Variants in SSH2 observed in about 807,000 individuals in gnomAD.
The protein encoded by SSH2 is protein phosphatase Slingshot homolog 2.
SSH2 carries 37 observed loss-of-function variants against 135.2 expected under a neutral mutation model. The ratio of observed to expected loss-of-function variants is 0.27; its 90% confidence interval spans 0.21 to 0.36. The LOEUF (loss-of-function observed/expected upper bound fraction) is 0.36, where lower values mean the gene tolerates loss of function less well. Ranked by LOEUF, SSH2 falls within the 10% of genes least tolerant of loss-of-function variation. SSH2 has a pLI of 1.00. For missense variants in SSH2, 1,408 were observed against 1,765.3 expected, an observed-to-expected ratio of 0.80 and a Z score of 3.63; for synonymous variants, 628 against 646.2, an observed-to-expected ratio of 0.97 and a Z score of 0.43.
At chr17:29,710,504 A>G (rs901404936) in intron 3 of SSH2, among the ~76,000 whole-genome samples, 2 of 152,174 alleles carry the variant, frequency 1.3e-5, no homozygotes, top group Admixed American at 6.5e-5. Flanking sequence ...AAACTTTCAA[A>G]TATATTCCAC....
At chr17:29,883,764 T>C (rs1599139323) in intron 1 of SSH2, among the ~76,000 whole-genome samples, 1 of 152,142 alleles carries the variant, frequency 6.6e-6, no homozygotes, top group East Asian at 1.9e-4. Context: ...TCCTATCAAT[T>C]ATCTCCTGTC....
intron 1 of SSH2, among the ~76,000 whole-genome samples, chr17:29,913,347 A>AAAAAAAATTTTATATATATATATAT: frequency 6.9e-5 from 2 of 28,778 alleles, no homozygotes; most frequent in Non-Finnish European, 1.2e-4. Context: ...AAAAAAAAAA[A>AAAAAAAATTTTATATATATATATAT]ATATATATAT....
At chr17:29,637,099 T>A (rs1438845051) in intron 14 of SSH2, among the ~76,000 whole-genome samples, 1 of 152,118 alleles carries the variant, frequency 6.6e-6, no homozygotes, top group Non-Finnish European at 1.5e-5. Flanking sequence ...GTAGGAGGAA[T>A]GTGAATTCAG....
At chr17:29,720,583 C>T (rs2039789760) in intron 3 of SSH2, among the ~76,000 whole-genome samples, 1 of 152,142 alleles carries the variant, frequency 6.6e-6, no homozygotes, top group Non-Finnish European at 1.5e-5. Context: ...TTTTTAAAGT[C>T]CCTGGACAAA....
At chr17:29,692,503 G>A (rs1188598709) in intron 5 of SSH2, among the ~76,000 whole-genome samples, 14 of 152,230 alleles carry the variant, frequency 9.2e-5, no homozygotes, top group Non-Finnish European at 1.9e-4. Context: ...AGCAGCTGAA[G>A]ATGCATATTT....
At chr17:29,657,210 G>A (rs1193365338) in intron 11 of SSH2, among the ~76,000 whole-genome samples, 6 of 151,820 alleles carry the variant, frequency 4.0e-5, no homozygotes, top group African/African-American at 7.3e-5. Context: ...CAAGTGATCC[G>A]CCTGCCTCGG....
chr17:29,821,236 G>C (rs978437010), intron 2 of SSH2, among the ~76,000 whole-genome samples: 49 of 152,156 alleles, frequency 3.2e-4, no homozygotes, highest in African/African-American at 1.2e-3. Flanking sequence ...TAAATTACAT[G>C]CATTCACATC....
intron 15 of SSH2, 138 bp from the exon 16 acceptor site, chr17:29,633,069 C>T (rs2035755793): frequency 4.1e-6 from 3 of 729,822 alleles, no homozygotes; most frequent in East Asian, 2.7e-5. Flanking sequence ...CCTGGGACCA[C>T]ACTCTGCCCA....
chr17:29,658,867 CAA>C (rs541052752), intron 11 of SSH2, among the ~76,000 whole-genome samples: 47 of 33,406 alleles, frequency 1.4e-3, no homozygotes, highest in Non-Finnish European at 2.9e-3. Flanking sequence ...AACTCCGTCT[CAA>C]AAAAAAAAAA....
chr17:29,724,418 C>T (rs1200186330), intron 3 of SSH2, among the ~76,000 whole-genome samples: 1 of 149,860 alleles, frequency 6.7e-6, no homozygotes, highest in Non-Finnish European at 1.5e-5. Context: ...ATCCCAGCTA[C>T]CTGGGAGGCT....
chr17:29,645,415 G>C (rs997707041), intron 14 of SSH2: 6 of 152,076 alleles, frequency 3.9e-5, no homozygotes, highest in Admixed American at 6.5e-5. Flanking sequence ...AGGTGATTTT[G>C]GGTTTATACT....
intron 9 of SSH2, among the ~76,000 whole-genome samples, chr17:29,668,327 C>A (rs916275966): frequency 1.2e-4 from 19 of 152,252 alleles, no homozygotes; most frequent in Admixed American, 2.6e-4. Flanking sequence ...TCTCTTCAAC[C>A]AGCCAAGGTA....
chr17:29,825,109 T>C (rs1342633513), intron 2 of SSH2, among the ~76,000 whole-genome samples: 2 of 152,222 alleles, frequency 1.3e-5, no homozygotes, highest in Non-Finnish European at 2.9e-5. Flanking sequence ...CCCAGTTACA[T>C]GAACCAACAA....
At chr17:29,638,065 G>T (rs1005913209) in intron 14 of SSH2, among the ~76,000 whole-genome samples, 1 of 151,748 alleles carries the variant, frequency 6.6e-6, no homozygotes, top group African/African-American at 2.4e-5. Flanking sequence ...AGTGGGCCGA[G>T]ATTGCACCAA....
At chr17:29,889,628 GA>G (rs958995255) in intron 1 of SSH2, among the ~76,000 whole-genome samples, 15 of 151,502 alleles carry the variant, frequency 9.9e-5, no homozygotes, top group African/African-American at 3.4e-4. Flanking sequence ...CATAAAGAAA[GA>G]AAAAAGACAA....
At chr17:29,912,652 G>A (rs1470333780) in intron 1 of SSH2, among the ~76,000 whole-genome samples, 1 of 152,122 alleles carries the variant, frequency 6.6e-6, no homozygotes, top group Admixed American at 6.5e-5. Flanking sequence ...GATTGCTTGA[G>A]CCCAGGAGTT....
chr17:29,635,977 T>C lies in SSH2; in HGVS notation c.2253A>G (p.Glu751=). 1 of 1,609,808 alleles carries C rather than the reference T, an allele frequency of 6.2e-7. No homozygotes were observed. The highest frequency in any genetic ancestry group is 8.5e-7 in the Non-Finnish European group (1 of 1,176,472). Residue 751 remains glutamate, a synonymous_variant, in exon 15 of 16, where the codon GAA becomes GAG. Transcript: ENST00000540801. ...TAAAGACAGTTTTTACCTTTGACTG[T>C]TCCTCATCCATTGAAGATTCTTCTG... The part of the protein sequence containing the change: ...HASEESSMDE[E]QSKAISELVS...
At chr17:29,911,412 T>C (rs1363941805) in intron 1 of SSH2, among the ~76,000 whole-genome samples, 1 of 152,160 alleles carries the variant, frequency 6.6e-6, no homozygotes, top group Non-Finnish European at 1.5e-5. Flanking sequence ...ATGCTCACTT[T>C]AGAATCCTAA....
At chr17:29,724,120 T>A (rs1598880730) in intron 3 of SSH2, among the ~76,000 whole-genome samples, 3 of 151,952 alleles carry the variant, frequency 2.0e-5, no homozygotes, top group Admixed American at 2.0e-4. Context: ...CAAATTATAA[T>A]TTAATCAACT....
Sources: gnomAD v4.1 joint callset for allele counts (sites outside exome capture counted in the v4.1 genomes callset) on GRCh38, gnomAD v4.1.1 for gene constraint, MANE v1.5 for transcripts, NCBI Gene and HGNC (gene_info 2026-07-23, HGNC 2026-07-21) for gene names.